The following SPESP1 variants were observed in gnomAD, a reference collection of about 807,000 sequenced individuals.
SPESP1 encodes sperm equatorial segment protein 1.
A neutral mutation model predicts 3.1 loss-of-function variants in SPESP1; 1 was observed. The observed-to-expected ratio is 0.33, with a 90% confidence interval of 0.12 to 1.54. The LOEUF (loss-of-function observed/expected upper bound fraction) is 1.54, where lower values mean the gene tolerates loss of function less well. Ranked by LOEUF, SPESP1 falls within the 40% of genes most tolerant of loss-of-function variation. SPESP1 has a pLI of 0.38. For missense variants in SPESP1, 398 were observed against 410.1 expected (o/e 0.97, Z 0.26); for synonymous variants, 138 against 150.7 (o/e 0.92, Z 0.62).
At chr15:68,932,838 A>G (rs1328816991) in intron 1 of SPESP1, among the ~76,000 whole-genome samples, 2 of 152,230 alleles carry the variant, frequency 1.3e-5, no homozygotes, top group Non-Finnish European at 2.9e-5. Context: ...GAAACTATAT[A>G]CAGGTTGTAA....
intron 1 of SPESP1, among the ~76,000 whole-genome samples, chr15:68,935,506 G>T (rs1895660086): frequency 6.6e-6 from 1 of 152,154 alleles, no homozygotes; most frequent in South Asian, 2.1e-4. Context: ...ATGGCAGCTT[G>T]CTTCCAAGAA....
chr15:68,944,920 T>A (rs1326850222), intron 1 of SPESP1, among the ~76,000 whole-genome samples: 1 of 152,182 alleles, frequency 6.6e-6, no homozygotes, highest in Non-Finnish European at 1.5e-5. Flanking sequence ...TAGCATTTGC[T>A]CATTTACATG....
intron 1 of SPESP1, among the ~76,000 whole-genome samples, chr15:68,944,486 A>G (rs1046450668): frequency 6.6e-6 from 1 of 152,088 alleles, no homozygotes; most frequent in Non-Finnish European, 1.5e-5. Context: ...AAGACAGGAA[A>G]TATTTCCTGA....
intron 1 of SPESP1, among the ~76,000 whole-genome samples, chr15:68,943,725 C>G (rs1161416622): frequency 6.6e-6 from 1 of 151,914 alleles, no homozygotes; most frequent in Admixed American, 6.6e-5. Flanking sequence ...AAGGTTTATA[C>G]TCTCTGTGAA....
chr15:68,945,330 G>A (rs1895931547), intron 1 of SPESP1, among the ~76,000 whole-genome samples: 1 of 152,092 alleles, frequency 6.6e-6, no homozygotes, highest in South Asian at 2.1e-4. Context: ...TAAGTTATAT[G>A]GGAGAATAAA....
intron 1 of SPESP1, among the ~76,000 whole-genome samples, chr15:68,934,514 T>C (rs544206982): frequency 6.6e-5 from 10 of 152,326 alleles, no homozygotes; most frequent in African/African-American, 2.2e-4. Flanking sequence ...TTGTTAATGT[T>C]TGAGATAATG....
At chr15:68,935,402 A>T (rs2140419488) in intron 1 of SPESP1, among the ~76,000 whole-genome samples, 1 of 152,324 alleles carries the variant, frequency 6.6e-6, no homozygotes, top group African/African-American at 2.4e-5. Flanking sequence ...CTGGAAGTTC[A>T]AATGGATAGG....
At chr15:68,939,574 A>G (rs1434697507) in intron 1 of SPESP1, among the ~76,000 whole-genome samples, 1 of 152,188 alleles carries the variant, frequency 6.6e-6, no homozygotes, top group Admixed American at 6.5e-5. Context: ...TGAAATAGGG[A>G]GATGTTTTAG....
chr15:68,939,956 C>T (rs932196043), intron 1 of SPESP1: 8 of 152,022 alleles, frequency 5.3e-5, no homozygotes, highest in African/African-American at 1.9e-4. Context: ...AGCGTTGAAA[C>T]CTTTGTTGGT....
At chr15:68,933,371 C>T (rs1364206322) in intron 1 of SPESP1, among the ~76,000 whole-genome samples, 3 of 152,118 alleles carry the variant, frequency 2.0e-5, no homozygotes, top group Non-Finnish European at 4.4e-5. Context: ...CCTGATGGTG[C>T]TGGAGAAACA....
Position 68,940,296 on chromosome 15 carries a change from G to A in SPESP1, c.65-5303G>A, listed in dbSNP as rs546567306. On this transcript the variant is annotated intron_variant, in intron 1 of 1. Coordinates refer to ENST00000310673, the MANE Select transcript of SPESP1 (RefSeq NM_145658.4). ...CCCTGGACACTCTCCCCAATTTCTC[G>A]GGCTTGGATTATGTAGAAGCGAATT... 8.6e-4 allele frequency among the ~76,000 whole-genome samples: 131 copies of A among 151,988 alleles called. 1 individual carries two copies. Among genetic ancestry groups the A allele is most frequent in the African/African-American group, 1.7e-3 (71 of 41,446 alleles).
intron 1 of SPESP1, 51 bp from the exon 2 acceptor site, chr15:68,945,548 C>T: frequency 1.1e-5 from 16 of 1,400,502 alleles, no homozygotes; most frequent in Non-Finnish European, 1.5e-5. Flanking sequence ...GTCAGTGTGT[C>T]ATATATAATA....
intron 1 of SPESP1, among the ~76,000 whole-genome samples, chr15:68,936,768 A>G (rs1029869744): frequency 2.6e-5 from 4 of 152,170 alleles, no homozygotes; most frequent in African/African-American, 9.7e-5. Flanking sequence ...TACTTTAGAG[A>G]TTGATAAAAT....
intron 1 of SPESP1, among the ~76,000 whole-genome samples, chr15:68,933,358 C>T (rs1352761355): frequency 6.6e-6 from 1 of 152,110 alleles, no homozygotes; most frequent in Non-Finnish European, 1.5e-5. Flanking sequence ...CACACACACA[C>T]ATCCTGATGG....
chr15:68,932,643 C>T (rs1262190104), intron 1 of SPESP1, among the ~76,000 whole-genome samples: 1 of 152,166 alleles, frequency 6.6e-6, no homozygotes, highest in African/African-American at 2.4e-5. Context: ...CCATCCGCCT[C>T]GGCCTTGCAA....
At chr15:68,933,136 A>G (rs973502901) in intron 1 of SPESP1, among the ~76,000 whole-genome samples, 6 of 152,156 alleles carry the variant, frequency 3.9e-5, no homozygotes, top group Non-Finnish European at 8.8e-5. Context: ...GCTTTGACAC[A>G]TTTTTTCTAG....
chr15:68,937,985 AT>A (rs1338835661), intron 1 of SPESP1, among the ~76,000 whole-genome samples: 1 of 151,766 alleles, frequency 6.6e-6, no homozygotes, highest in Non-Finnish European at 1.5e-5. Flanking sequence ...CTATTATTTT[AT>A]TTTATTTTTT....
intron 1 of SPESP1, among the ~76,000 whole-genome samples, chr15:68,936,635 C>G (rs1595717527): frequency 1.3e-5 from 2 of 152,144 alleles, no homozygotes; most frequent in East Asian, 3.9e-4. Context: ...GGTGATTGCA[C>G]CACTCTGGAC....
chr15:68,936,891 T>C (rs1262694862), intron 1 of SPESP1, among the ~76,000 whole-genome samples: 2 of 152,144 alleles, frequency 1.3e-5, no homozygotes, highest in Admixed American at 6.5e-5. Flanking sequence ...ATGGAGCTAT[T>C]TCACCATGAT....
Sources: gnomAD v4.1 joint callset for allele counts (sites outside exome capture counted in the v4.1 genomes callset) on GRCh38, gnomAD v4.1.1 for gene constraint, MANE v1.5 for transcripts, NCBI Gene and HGNC (gene_info 2026-07-23, HGNC 2026-07-21) for gene names.